NDUFA8: variants seen among roughly 807,000 people sequenced by gnomAD.
NDUFA8 encodes the protein NADH:ubiquinone oxidoreductase subunit A8.
Under a neutral mutation model 20.9 loss-of-function variants are expected in NDUFA8, and 16 were observed. The ratio of observed to expected loss-of-function variants is 0.77; its 90% CI spans 0.52 to 1.16. The LOEUF is 1.16. Among genes scored for constraint, NDUFA8 ranks in the 50% most tolerant of loss-of-function variants. The pLI is 0.00. For synonymous variants in NDUFA8, 70 were observed against 76.1 expected, an observed-to-expected ratio of 0.92 and a Z score of 0.41; for missense variants, 202 against 216.4, an observed-to-expected ratio of 0.93 and a Z score of 0.42.
chr9:122,135,117 G>T, the NDUFA8 span, among the ~76,000 whole-genome samples: 1 of 152,204 alleles, frequency 6.6e-6, no homozygotes, highest in Non-Finnish European at 1.5e-5. Flanking sequence ...TGTGGCTGGG[G>T]CTTTGTGTTC....
At chr9:122,156,472 ATGAGT>A (rs1281130382) in intron 1 of NDUFA8, among the ~76,000 whole-genome samples, 1 of 152,236 alleles carries the variant, frequency 6.6e-6, no homozygotes, top group African/African-American at 2.4e-5. Flanking sequence ...TGAAGATTAA[ATGAGT>A]TAATATATAT....
intron 1 of NDUFA8, among the ~76,000 whole-genome samples, chr9:122,153,435 G>T (rs1275765870): frequency 1.7e-5 from 1 of 58,586 alleles, no homozygotes; most frequent in Admixed American, 1.5e-4. Flanking sequence ...TAATAATAAA[G>T]TACTAAAATC....
the NDUFA8 span, among the ~76,000 whole-genome samples, chr9:122,132,722 T>C: frequency 6.6e-6 from 1 of 152,160 alleles, no homozygotes; most frequent in African/African-American, 2.4e-5. Context: ...TGGGCTGGGC[T>C]GTGGTTTCTA....
chr9:122,139,155 CCT>C (rs1279915810), downstream of NDUFA8, among the ~76,000 whole-genome samples: 1 of 152,208 alleles, frequency 6.6e-6, no homozygotes, highest in Non-Finnish European at 1.5e-5. Context: ...AGACGAGTTT[CCT>C]CTCTGTTCCT....
chr9:122,149,735 A>C (rs965316036), intron 2 of NDUFA8, among the ~76,000 whole-genome samples: 1 of 152,160 alleles, frequency 6.6e-6, no homozygotes, highest in Non-Finnish European at 1.5e-5. Flanking sequence ...AGGTAGGCGG[A>C]TCACTTGAGG....
chr9:122,148,257 G>A lies in NDUFA8; in HGVS notation c.236C>T (p.Ala79Val), dbSNP rs1167141117. 1.9e-6 allele frequency: 3 copies of A among 1,614,170 alleles called. No individual in the cohort carries two copies. Among genetic ancestry groups the A allele is most frequent in the Non-Finnish European group, 2.5e-6 (3 of 1,180,020 alleles). Residue 79 changes from alanine to valine, a missense_variant, in exon 3 of 4, where the codon GCA (alanine) becomes GTA (valine). Physicochemically the swap from Ala to Val is moderately conservative, Grantham distance 64 (BLOSUM62 0). Coordinates refer to ENST00000373768, the MANE Select transcript of NDUFA8 (RefSeq NM_014222.3). ...DFFRQIKRHC[A>V]EPFTEYWTCI... ...AGTCCAATATTCTGTAAAAGGCTCTGCACAGTGACGTTTTATCTGCCTGGA... is the reference window on the plus strand; with the variant it reads ...AGTCCAATATTCTGTAAAAGGCTCTACACAGTGACGTTTTATCTGCCTGGA...
At chr9:122,146,773 G>A (rs7870072) in intron 3 of NDUFA8, among the ~76,000 whole-genome samples, 47,242 of 152,166 alleles carry the variant, frequency 0.31, 11,139 homozygotes, top group African/African-American at 0.67. Context: ...GCCTGTGCCT[G>A]TAGTCCCAGC....
chr9:122,137,313 A>G, the NDUFA8 span, among the ~76,000 whole-genome samples: 129,576 of 147,560 alleles, frequency 0.88, 57,140 homozygotes, highest in African/African-American at 0.97. Flanking sequence ...AGTGATCTTC[A>G]CTCATGCAGA....
At chr9:122,157,875 C>CA (rs1320092328) in intron 1 of NDUFA8, among the ~76,000 whole-genome samples, 1 of 152,194 alleles carries the variant, frequency 6.6e-6, no homozygotes, top group African/African-American at 2.4e-5. Flanking sequence ...AACATACGGC[C>CA]AGGCGCGGTG....
At position 122,159,719 on chromosome 9, in the gene NDUFA8, G is replaced by A. The variant is rs770040796; in HGVS notation, c.-42C>T. 3 of 1,613,744 alleles carry A rather than the reference G, an allele frequency of 1.9e-6. No individual in the cohort carries two copies. The highest frequency in any genetic ancestry group is 1.7e-6 in the Non-Finnish European group (2 of 1,179,876). ...ACCCCGACGAGAAGCCCTCAGCCGC[G>A]TCGCCCCCGTCTCCTTGAACTCCCC... On this transcript the variant is annotated 5_prime_UTR_variant, in exon 1 of 4. It adds an upstream start codon to the 5' untranslated region. Coordinates refer to ENST00000373768, the MANE Select transcript of NDUFA8 (RefSeq NM_014222.3).
intron 3 of NDUFA8, among the ~76,000 whole-genome samples, chr9:122,144,777 AT>A (rs1828877406): frequency 6.6e-6 from 1 of 152,178 alleles, no homozygotes; most frequent in Non-Finnish European, 1.5e-5. Flanking sequence ...GGTCTGGAAT[AT>A]TTTTAAGGAG....
At chr9:122,155,710 T>C (rs932725222) in intron 1 of NDUFA8, among the ~76,000 whole-genome samples, 6 of 152,328 alleles carry the variant, frequency 3.9e-5, no homozygotes, top group South Asian at 2.1e-4. Flanking sequence ...TCAAACTTTT[T>C]TAAAAGCTTA....
chr9:122,136,551 G>A, the NDUFA8 span, among the ~76,000 whole-genome samples: 20 of 151,478 alleles, frequency 1.3e-4, no homozygotes, highest in African/African-American at 3.4e-4. Flanking sequence ...AGTTCATAGC[G>A]TTCGTAGATT....
At chr9:122,137,532 C>T in the NDUFA8 span, among the ~76,000 whole-genome samples, 22 of 152,166 alleles carry the variant, frequency 1.4e-4, no homozygotes, top group African/African-American at 5.1e-4. Flanking sequence ...TGAGCCACCG[C>T]GCCTAGCCAC....
chr9:122,136,564 T>TC, the NDUFA8 span, among the ~76,000 whole-genome samples: 1 of 152,168 alleles, frequency 6.6e-6, no homozygotes, highest in Non-Finnish European at 1.5e-5. Flanking sequence ...CGTAGATTTT[T>TC]TTTTTTTTCT....
the NDUFA8 span, among the ~76,000 whole-genome samples, chr9:122,136,994 T>G: frequency 6.6e-6 from 1 of 152,142 alleles, no homozygotes; most frequent in African/African-American, 2.4e-5. Flanking sequence ...TCCCCACTCT[T>G]GTAGTTTAAT....
intron 3 of NDUFA8, among the ~76,000 whole-genome samples, chr9:122,147,396 T>C (rs1828919490): frequency 6.6e-6 from 1 of 152,162 alleles, no homozygotes. Flanking sequence ...GAAACACTTT[T>C]AAAAGTACAA....
At chr9:122,156,791 A>G (rs1829082141) in intron 1 of NDUFA8, among the ~76,000 whole-genome samples, 1 of 152,214 alleles carries the variant, frequency 6.6e-6, no homozygotes, top group African/African-American at 2.4e-5. Flanking sequence ...GATCAATTCT[A>G]GATATACTTG....
At chr9:122,141,158 T>C (rs1330245482), downstream of NDUFA8, among the ~76,000 whole-genome samples, 1 of 152,180 alleles carries the variant, frequency 6.6e-6, no homozygotes, top group Non-Finnish European at 1.5e-5. Context: ...CTGTAGAGTA[T>C]AGGCTACATA....
Sources: gnomAD v4.1 joint callset for allele counts (sites outside exome capture counted in the v4.1 genomes callset) on GRCh38, gnomAD v4.1.1 for gene constraint, MANE v1.5 for transcripts, NCBI Gene and HGNC (gene_info 2026-07-23, HGNC 2026-07-21) for gene names.